ZFYVE28: variants seen among roughly 807,000 people sequenced by gnomAD.
The protein encoded by ZFYVE28 is zinc finger FYVE-type containing 28, also known as lateral signaling target protein 2 homolog.
A neutral mutation model predicts 82.1 loss-of-function variants in ZFYVE28; 40 were observed. That is an observed-to-expected ratio of 0.49 (90% CI 0.38 to 0.63). The LOEUF (loss-of-function observed/expected upper bound fraction) is 0.63. ZFYVE28 is among the 30% of genes least tolerant of loss of function. The pLI is 0.00. For missense variants in ZFYVE28, 1,321 were observed against 1,242.1 expected, an observed-to-expected ratio of 1.06 and a Z score of -0.96; for synonymous variants, 612 against 546.1, an observed-to-expected ratio of 1.12 and a Z score of -1.68.
At chr4:2,322,707 T>C (rs1396063992) in intron 6 of ZFYVE28, among the ~76,000 whole-genome samples, 1 of 152,212 alleles carries the variant, frequency 6.6e-6, no homozygotes, top group South Asian at 2.1e-4. Context: ...TTCAAAAGGT[T>C]TTTATCACCC....
intron 1 of ZFYVE28, among the ~76,000 whole-genome samples, chr4:2,390,994 A>G (rs1020918531): frequency 6.6e-6 from 1 of 152,218 alleles, no homozygotes; most frequent in African/African-American, 2.4e-5. Context: ...AAGTCATTTC[A>G]TAGAAGACAG....
chr4:2,305,236 G>C lies in ZFYVE28; in HGVS notation c.1104C>G (p.Ser368=), dbSNP rs770929460. 1 of 1,611,204 alleles carries C rather than the reference G, an allele frequency of 6.2e-7. No individual in the cohort carries two copies. Among genetic ancestry groups the C allele is most frequent in the African/African-American group, 1.3e-5 (1 of 75,052 alleles). The part of the protein sequence containing the change: ...SLLSPPIACQ[S]PAHRPGAEGS... ...CCTCCGCTCCTGGCCTGTGAGCTGG[G>C]GACTGGCAGGCAATGGGCGGTGAAA... Residue 368 remains serine, a synonymous_variant, in exon 8 of 13, where the codon TCC becomes TCG. Transcript: ENST00000290974.
At position 2,347,786 on chromosome 4, in the gene ZFYVE28, T is replaced by G. The variant is rs562498233; in HGVS notation, c.180+6147A>C. Reference sequence around the variant, plus strand: ...CTAAAGCAGCAATTACAGAGAAATTTAAACCACTAAATACCTAAATTAGAA... The same window carrying G: ...CTAAAGCAGCAATTACAGAGAAATTGAAACCACTAAATACCTAAATTAGAA... On this transcript the variant is annotated intron_variant, in intron 2 of 12. Transcript: ENST00000290974. 5.9e-5 allele frequency among the ~76,000 whole-genome samples: 9 copies of G among 152,212 alleles called. No homozygotes were observed. In the East Asian group the frequency reaches 1.7e-3, roughly 29 times the overall value.
intron 1 of ZFYVE28, chr4:2,364,388 CCCAAGGGCACAGCCCCCCACCTCT>C (rs964992187): frequency 1.0e-6 from 1 of 967,498 alleles, no homozygotes; most frequent in Non-Finnish European, 1.2e-6. Flanking sequence ...CCCTGCCCGC[CCCAAGGGCACAGCCCCCCACCTCT>C]CCAAGCCCTT....
At chr4:2,292,842 C>A (rs1713943787) in intron 8 of ZFYVE28, among the ~76,000 whole-genome samples, 1 of 152,150 alleles carries the variant, frequency 6.6e-6, no homozygotes, top group African/African-American at 2.4e-5. Context: ...AAAGGCATGA[C>A]AAGAAGACGG....
intron 9 of ZFYVE28, 51 bp from the exon 10 acceptor site, chr4:2,273,340 C>T: frequency 3.3e-6 from 5 of 1,530,568 alleles, no homozygotes; most frequent in Non-Finnish European, 4.5e-6. Context: ...ATGGAAGGAA[C>T]TGCGGAGGTC....
At chr4:2,303,043 C>A (rs612973) in intron 8 of ZFYVE28, among the ~76,000 whole-genome samples, 51,392 of 152,098 alleles carry the variant, frequency 0.34, 9,407 homozygotes, top group East Asian at 0.57. Context: ...CCAGAAGAGG[C>A]GAACCCATCG....
At chr4:2,411,829 G>A (rs1036591973) in intron 1 of ZFYVE28, among the ~76,000 whole-genome samples, 1 of 152,076 alleles carries the variant, frequency 6.6e-6, no homozygotes, top group Non-Finnish European at 1.5e-5. Context: ...CCCCTTCCCC[G>A]CTGCCACCCG....
chr4:2,289,403 T>C (rs1350736721), intron 8 of ZFYVE28, among the ~76,000 whole-genome samples: 1 of 152,206 alleles, frequency 6.6e-6, no homozygotes, highest in Non-Finnish European at 1.5e-5. Context: ...GGTGTGGCCC[T>C]GGGCCGCGTA....
chr4:2,296,981 C>T (rs1252407406), intron 8 of ZFYVE28, among the ~76,000 whole-genome samples: 9 of 152,296 alleles, frequency 5.9e-5, no homozygotes, highest in African/African-American at 2.2e-4. Flanking sequence ...GGGAGGGAAG[C>T]GTGGGCTTCC....
At chr4:2,355,206 A>G (rs1293600002) in intron 1 of ZFYVE28, among the ~76,000 whole-genome samples, 1 of 898 alleles carries the variant, frequency 1.1e-3, no homozygotes, top group Non-Finnish European at 4.4e-3. Flanking sequence ...GAAAATATAT[A>G]TATATATATA....
chr4:2,306,483 C>A (rs1716592326), intron 7 of ZFYVE28, among the ~76,000 whole-genome samples: 1 of 152,246 alleles, frequency 6.6e-6, no homozygotes, highest in Admixed American at 6.5e-5. Context: ...GAGGCACGCA[C>A]CTGCTCTGCT....
Position 2,408,645 on chromosome 4 carries a change from C to T in ZFYVE28, c.39+9640G>A, listed in dbSNP as rs148666787. On this transcript the variant is annotated intron_variant, in intron 1 of 12. Coordinates refer to ENST00000290974, the MANE Select transcript of ZFYVE28 (RefSeq NM_020972.3). The surrounding 1 kb of genome is among the most constrained non-coding windows in gnomAD (Gnocchi z 4.3). ...CCAGGTAAGCCCACCTAGATGATGG[C>T]GCCCCATCCAGATAGAGTCCCGCCC... Among the ~76,000 whole-genome samples the T allele has an allele frequency of 1.3e-5, 2 of 152,126 alleles. No homozygotes were observed. The highest frequency in any genetic ancestry group is 6.5e-5 in the Admixed American group (1 of 15,280).
At chr4:2,384,157 G>C (rs985794936) in intron 1 of ZFYVE28, among the ~76,000 whole-genome samples, 3 of 152,184 alleles carry the variant, frequency 2.0e-5, no homozygotes, top group Admixed American at 1.3e-4. Context: ...AGAGGCCCCC[G>C]GGACTGTCAG....
intron 1 of ZFYVE28, among the ~76,000 whole-genome samples, chr4:2,390,164 G>A (rs1007212863): frequency 6.7e-6 from 1 of 149,520 alleles, no homozygotes; most frequent in African/African-American, 2.5e-5. Context: ...ATGTGAAGAT[G>A]GAGGTGGAGA....
chr4:2,414,184 C>T (rs112199855), intron 1 of ZFYVE28, among the ~76,000 whole-genome samples: 35 of 152,374 alleles, frequency 2.3e-4, no homozygotes, highest in African/African-American at 7.2e-4. Flanking sequence ...GCTGGAACCC[C>T]GAAAACCCTC....
In ZFYVE28 at chr4:2,304,432, A is replaced by G; in HGVS notation, c.1908T>C (p.Pro636=). Residue 636 remains proline (P), a synonymous_variant, in exon 8 of 13, where the codon CCT becomes CCC. Coordinates refer to ENST00000290974, the MANE Select transcript of ZFYVE28 (RefSeq NM_020972.3). ...PKAPTSDKCL[P]HTSGSQVDTA... Reference sequence around the variant, plus strand: ...TGTCCACCTGGGAACCTGAGGTGTGAGGCAGGCACTTGTCGGAAGTGGGGG... The same window carrying G: ...TGTCCACCTGGGAACCTGAGGTGTGGGGCAGGCACTTGTCGGAAGTGGGGG... 6.2e-7 allele frequency: 1 copy of G among 1,613,652 alleles called. No individual in the cohort carries two copies. Among genetic ancestry groups the G allele is most frequent in the East Asian group, 2.2e-5 (1 of 44,882 alleles).
chr4:2,355,342 C>A (rs1243808582), intron 1 of ZFYVE28, among the ~76,000 whole-genome samples: 1 of 132,034 alleles, frequency 7.6e-6, no homozygotes, highest in Non-Finnish European at 1.6e-5. Context: ...AGTGCAGTGG[C>A]GTGATCTTAG....
rs1405440477 is a variant in ZFYVE28, at chr4:2,335,164, G to T, written c.701+541C>A. 2.6e-5 allele frequency among the ~76,000 whole-genome samples: 4 copies of T among 151,812 alleles called. No homozygotes were observed. The highest frequency in any genetic ancestry group is 6.6e-5 in the Admixed American group (1 of 15,252). ...CCTGCTCTCCCAGACGGCCCCGCTGGCAGGAAAGGTTCCACACAGGTATTC... is the reference window on the plus strand; with the variant it reads ...CCTGCTCTCCCAGACGGCCCCGCTGTCAGGAAAGGTTCCACACAGGTATTC... On this transcript the variant is annotated intron_variant, in intron 6 of 12. Transcript: ENST00000290974. The surrounding 1 kb of genome is among the most constrained non-coding windows in gnomAD (Gnocchi z 5.8).
Sources: gnomAD v4.1 joint callset for allele counts (sites outside exome capture counted in the v4.1 genomes callset) on GRCh38, gnomAD v4.1.1 for gene constraint, Gnocchi (gnomAD v3.1) non-coding constraint, MANE v1.5 for transcripts, NCBI Gene and HGNC (gene_info 2026-07-23, HGNC 2026-07-21) for gene names.